Variants in CARS2 observed in about 807,000 individuals in gnomAD.
CARS2 encodes cysteinyl-tRNA synthetase 2, mitochondrial.
A neutral mutation model predicts 68.8 loss-of-function variants in CARS2; 52 were observed. The observed-to-expected ratio is 0.76, with a 90% CI of 0.61 to 0.95. The LOEUF (loss-of-function observed/expected upper bound fraction) is 0.95, where lower values mean the gene tolerates loss of function less well. CARS2 is among the 40% of genes least tolerant of loss of function. The probability of loss-of-function intolerance (pLI) is 0.00; values close to 1 mark genes in which losing one functional copy is unlikely to be tolerated. For synonymous variants in CARS2, 314 were observed against 303.6 expected, an observed-to-expected ratio of 1.03 and a Z score of -0.36; for missense variants, 780 against 754.2, an observed-to-expected ratio of 1.03 and a Z score of -0.40.
Position 110,665,211 on chromosome 13 carries a change from C to A in CARS2, c.920-1693G>T. On this transcript the variant is annotated intron_variant, in intron 8 of 14. Transcript: ENST00000257347. This position sits in a 1 kb window ranked among gnomAD's most constrained non-coding sequence, Gnocchi z 4.3. ...CCTATAATCCCAGCACTTTGGGAGG[C>A]AGAGGTGGCAGATCACTTGAGGTCA... 1 of 941,100 alleles carries A rather than the reference C, an allele frequency of 1.1e-6. No homozygotes were observed. The highest frequency in any genetic ancestry group is 1.3e-6 in the Non-Finnish European group (1 of 789,434). 58.3% of individuals were successfully genotyped at this position (941,100 alleles called of 1,614,324 possible). A position where few individuals can be genotyped will look rare whatever the true frequency, so the allele number is the denominator to read the frequency against.
chr13:110,650,839 T>C (rs2062189193), intron 10 of CARS2, 195 bp downstream of exon 10: 1 of 531,348 alleles, frequency 1.9e-6, no homozygotes, highest in Admixed American at 3.8e-5. Flanking sequence ...CCACATCCAC[T>C]GTGGGCCGGG....
chr13:110,680,899 T>C (rs188041920), intron 6 of CARS2, among the ~76,000 whole-genome samples: 1 of 152,332 alleles, frequency 6.6e-6, no homozygotes, highest in African/African-American at 2.4e-5. Flanking sequence ...GGGCAGTAGT[T>C]GCCCCCAGGG....
upstream of CARS2, among the ~76,000 whole-genome samples, chr13:110,709,111 C>A (rs1388455613): frequency 1.4e-5 from 2 of 145,552 alleles, no homozygotes; most frequent in Non-Finnish European, 3.0e-5. Flanking sequence ...TGGAGTTTCA[C>A]TCTTGTTGCC....
chr13:110,713,377 G>C, exon 1 of CARS2: 1 of 1,046,712 alleles, frequency 9.6e-7, no homozygotes, highest in Non-Finnish European at 1.2e-6. Context: ...CCGCTCCCCT[G>C]CGTTTCCCAG....
At chr13:110,663,193 G>A (rs780471435) in intron 9 of CARS2, 15 of 578,910 alleles carry the variant, frequency 2.6e-5, no homozygotes, top group Non-Finnish European at 3.4e-5. Context: ...AGAGGGCGCC[G>A]GCCTTGAAAC....
At chr13:110,693,785 A>C (rs1389589607) in intron 3 of CARS2, among the ~76,000 whole-genome samples, 2 of 152,142 alleles carry the variant, frequency 1.3e-5, no homozygotes, top group African/African-American at 2.4e-5. Context: ...GAAAGGCGCT[A>C]AAATGGGGTC....
At chr13:110,691,987 G>A (rs1243364799) in intron 3 of CARS2, among the ~76,000 whole-genome samples, 694 of 76,828 alleles carry the variant, frequency 9.0e-3, no homozygotes, top group Middle Eastern at 0.056. Context: ...AAGCTGTGCA[G>A]AAAAAAAAAA....
At chr13:110,666,405 T>G in intron 8 of CARS2, 5 of 985,402 alleles carry the variant, frequency 5.1e-6, no homozygotes, top group Non-Finnish European at 6.0e-6. Context: ...TTGTTTCTGC[T>G]TCATTTTTAG....
intron 7 of CARS2, among the ~76,000 whole-genome samples, chr13:110,674,014 G>T (rs1231002506): frequency 7.9e-5 from 12 of 152,056 alleles, no homozygotes; most frequent in Non-Finnish European, 1.3e-4. Context: ...GGATGTGAAG[G>T]ACCTCTTCAA....
At position 110,642,233 on chromosome 13, in the gene CARS2, T is replaced by C. The variant is rs957357268; in HGVS notation, c.1623+82A>G. On this transcript the variant is annotated intron_variant, in intron 14 of 14. Transcript: ENST00000257347. ...AAAAAAAAAGCATGGTCACGGGGGA[T>C]GTCTGGGCCTCTGATGGCCCCACGT... 14 of 1,061,060 alleles carry C rather than the reference T, an allele frequency of 1.3e-5. No individual in the cohort carries two copies. In the African/African-American group the frequency reaches 1.4e-4, roughly 11 times the overall value. 65.7% of individuals were successfully genotyped at this position (1,061,060 alleles called of 1,614,324 possible).
intron 7 of CARS2, among the ~76,000 whole-genome samples, chr13:110,674,055 A>T (rs566882959): frequency 4.6e-4 from 70 of 152,326 alleles, no homozygotes; most frequent in African/African-American, 1.4e-3. Context: ...TCAATGAAAT[A>T]TAAGAGGACA....
chr13:110,713,171 G>A (rs2064057146), exon 1 of CARS2: 1 of 1,427,960 alleles, frequency 7.0e-7, no homozygotes, highest in Non-Finnish European at 9.1e-7. Flanking sequence ...TGATTGGGCT[G>A]TCAAAGTGAT....
At chr13:110,708,829 C>T (rs9521907), upstream of CARS2, among the ~76,000 whole-genome samples, 21,706 of 149,920 alleles carry the variant, frequency 0.14, 2,065 homozygotes, top group Middle Eastern at 0.2. Context: ...TCTCGGCTCA[C>T]TGCAACCTCC....
At chr13:110,692,153 CCTT>C (rs1053444932) in intron 3 of CARS2, among the ~76,000 whole-genome samples, 1 of 148,686 alleles carries the variant, frequency 6.7e-6, no homozygotes, top group African/African-American at 2.5e-5. Flanking sequence ...AAAACAAAAA[CCTT>C]CTATAGCTTT....
chr13:110,712,933 G>A (rs756634141), intron 1 of CARS2: 6 of 1,557,424 alleles, frequency 3.9e-6, no homozygotes, highest in East Asian at 4.8e-5. Context: ...CGCAGGCGCG[G>A]GAGCCGCCTA....
At chr13:110,703,060 GC>G (rs1166873650) in intron 2 of CARS2, among the ~76,000 whole-genome samples, 1 of 151,954 alleles carries the variant, frequency 6.6e-6, no homozygotes, top group Non-Finnish European at 1.5e-5. Flanking sequence ...TGCAACTGAC[GC>G]CCCATCCCTT....
At chr13:110,669,204 A>C (rs7998328) in intron 7 of CARS2, among the ~76,000 whole-genome samples, 79,990 of 151,992 alleles carry the variant, frequency 0.53, 22,458 homozygotes, top group Non-Finnish European at 0.64. Flanking sequence ...CTTGAAGAAG[A>C]TCCACCAAAA....
At chr13:110,707,003 A>G (rs1351446301), upstream of CARS2, among the ~76,000 whole-genome samples, 2 of 151,332 alleles carry the variant, frequency 1.3e-5, no homozygotes, top group Non-Finnish European at 2.9e-5. Context: ...TGTGCACCCC[A>G]GCACACACCA....
intron 13 of CARS2, chr13:110,643,015 C>T (rs897816752): frequency 6.7e-5 from 23 of 345,394 alleles, no homozygotes; most frequent in Admixed American, 1.6e-4. Context: ...GATCCTGGGG[C>T]GGTGTGGAAG....
Sources: gnomAD v4.1 joint callset for allele counts (sites outside exome capture counted in the v4.1 genomes callset) on GRCh38, gnomAD v4.1.1 for gene constraint, Gnocchi (gnomAD v3.1) non-coding constraint, MANE v1.5 for transcripts, NCBI Gene and HGNC (gene_info 2026-07-23, HGNC 2026-07-21) for gene names.